The following RHBDL3 variants were observed in gnomAD, a reference collection of about 807,000 sequenced individuals.
The protein encoded by RHBDL3 is rhomboid like 3.
A neutral mutation model predicts 48.2 loss-of-function variants in RHBDL3; 28 were observed. The observed-to-expected ratio is 0.58, with a 90% CI of 0.43 to 0.80. The LOEUF (loss-of-function observed/expected upper bound fraction) is 0.80, where lower values mean the gene tolerates loss of function less well. Ranked by LOEUF, RHBDL3 falls within the 30% of genes least tolerant of loss-of-function variation. The pLI, the probability that RHBDL3 is intolerant of heterozygous loss-of-function variation, is 0.00. For synonymous variants in RHBDL3, 208 were observed against 232.3 expected (o/e 0.90, Z 0.95); for missense variants, 464 against 542.7 (o/e 0.85, Z 1.44).
chr17:32,267,701 TG>T, intron 1 of RHBDL3, 200 bp from the exon 2 acceptor site: 1 of 649,232 alleles, frequency 1.5e-6, no homozygotes, highest in South Asian at 3.1e-5. Flanking sequence ...TTCCTCCCTC[TG>T]CTCAGTGTGG....
chr17:32,281,556 A>G (rs1244387920), intron 2 of RHBDL3, among the ~76,000 whole-genome samples: 2 of 151,694 alleles, frequency 1.3e-5, no homozygotes, highest in East Asian at 3.9e-4. Context: ...CCCCCTATCT[A>G]CCCACCCAGA....
At chr17:32,296,370 G>A (rs575294939) in intron 5 of RHBDL3, among the ~76,000 whole-genome samples, 1 of 108,068 alleles carries the variant, frequency 9.3e-6, no homozygotes, top group African/African-American at 3.5e-5. Flanking sequence ...GAGTCTCGTT[G>A]TGTCACCCAG....
chr17:32,294,205 TC>T lies in RHBDL3; in HGVS notation c.520-87del, dbSNP rs140589324. On this transcript the variant is annotated intron_variant, in intron 4 of 8. Transcript: ENST00000269051. The stretch of plus-strand genomic sequence containing the variant: ...TCTCTGAGAAGGAAAGGTGATAACT[TC>T]CTGTAGGGACTCCCAGTGCTAGTCA... 1,857 of 1,094,306 alleles carry T rather than the reference TC, an allele frequency of 1.7e-3. 19 individuals carry two copies. In the East Asian group the frequency reaches 0.027, roughly 16 times the overall value. 67.8% of individuals were successfully genotyped at this position (1,094,306 alleles called of 1,614,324 possible).
At chr17:32,316,074 A>C (rs1341717810) in intron 7 of RHBDL3, among the ~76,000 whole-genome samples, 158 bp from the exon 8 acceptor site, 6 of 152,108 alleles carry the variant, frequency 3.9e-5, no homozygotes, top group Non-Finnish European at 8.8e-5. Flanking sequence ...TGTTGCCTAA[A>C]ATCTCAAAGC....
chr17:32,298,132 G>A lies in RHBDL3; in HGVS notation c.709G>A (p.Val237Met), dbSNP rs2040496794. The change falls in exon 6 of 9, where the codon GTG becomes ATG. Residue 237 changes from valine to methionine, a missense_variant. Coordinates refer to ENST00000269051, the MANE Select transcript of RHBDL3 (RefSeq NM_138328.3). Reference protein sequence around the residue: ...LGLNVVLQLLVGVPLEMVHGA... With the variant: ...LGLNVVLQLLMGVPLEMVHGA... Reference sequence around the variant, plus strand: ...ACTCAATGTGGTGCTGCAGCTGCTGGTGGGGGTGCCCCTGGAGATGGTGCA... The same window carrying A: ...ACTCAATGTGGTGCTGCAGCTGCTGATGGGGGTGCCCCTGGAGATGGTGCA... 1 of 1,613,994 alleles carries A rather than the reference G, an allele frequency of 6.2e-7. No homozygotes were observed. Among genetic ancestry groups the A allele is most frequent in the African/African-American group, 1.3e-5 (1 of 74,948 alleles).
At chr17:32,320,073 GC>G (rs1316966711) in intron 8 of RHBDL3, among the ~76,000 whole-genome samples, 6 of 151,812 alleles carry the variant, frequency 4.0e-5, no homozygotes, top group Non-Finnish European at 7.4e-5. Context: ...AGGAGTTCAG[GC>G]CTGAGCAACA....
At chr17:32,289,791 G>A (rs1684833576) in intron 4 of RHBDL3, among the ~76,000 whole-genome samples, 1 of 152,110 alleles carries the variant, frequency 6.6e-6, no homozygotes. Flanking sequence ...CTTCACTTTG[G>A]GATTTTATGA....
intron 7 of RHBDL3, among the ~76,000 whole-genome samples, chr17:32,308,538 C>T (rs1724408856): frequency 6.6e-6 from 1 of 152,066 alleles, no homozygotes; most frequent in African/African-American, 2.4e-5. Context: ...ATCACCTGAG[C>T]CAGAGAGGCA....
Position 32,288,894 on chromosome 17 carries a change from C to T in RHBDL3, c.397C>T (p.Gln133Ter), listed in dbSNP as rs200024285. Residue 133 changes from glutamine (Q) to a stop codon, truncating the protein, a stop_gained, in exon 4 of 9, where the codon CAG becomes TAG. Transcript: ENST00000269051. LOFTEE classifies it high-confidence loss of function. The stretch of plus-strand genomic sequence containing the variant: ...GGAGGAGAAGGGGCTGAGCCTCTCG[C>T]AGCGACTTATCCGCCATGTGGCCTA... Reference protein sequence around the residue: ...LLEEKGLSLSQRLIRHVAYET... With the variant: ...LLEEKGLSLS 6.2e-7 allele frequency: 1 copy of T among 1,614,244 alleles called. No individual in the cohort carries two copies. Among genetic ancestry groups the T allele is most frequent in the Non-Finnish European group, 8.5e-7 (1 of 1,180,052 alleles).
At chr17:32,279,739 T>G (rs1387782795) in intron 2 of RHBDL3, among the ~76,000 whole-genome samples, 3 of 152,128 alleles carry the variant, frequency 2.0e-5, no homozygotes, top group Non-Finnish European at 2.9e-5. Flanking sequence ...TATAGCTCCC[T>G]GAGAAGAGTT....
chr17:32,289,434 C>T (rs918594595), intron 4 of RHBDL3, among the ~76,000 whole-genome samples: 2 of 152,236 alleles, frequency 1.3e-5, no homozygotes, highest in East Asian at 1.9e-4. Context: ...TCCTTTTTCC[C>T]GCCTGAAAAT....
intron 6 of RHBDL3, among the ~76,000 whole-genome samples, chr17:32,305,101 G>C (rs1358744063): frequency 7.1e-6 from 1 of 141,128 alleles, no homozygotes; most frequent in African/African-American, 2.6e-5. Flanking sequence ...CTAAGTGACA[G>C]AGTTAGACCT....
intron 2 of RHBDL3, among the ~76,000 whole-genome samples, chr17:32,276,046 G>C (rs914503433): frequency 6.6e-6 from 1 of 152,192 alleles, no homozygotes; most frequent in Non-Finnish European, 1.5e-5. Context: ...CAGGCAGGGG[G>C]CATGTCTCTG....
Position 32,271,766 on chromosome 17 carries a change from A to G in RHBDL3, c.135+3841A>G, listed in dbSNP as rs574162839. On this transcript the variant is annotated intron_variant, in intron 2 of 8. Transcript: ENST00000269051. ...ATGCAGTATTGAAAGTAACTTGACT[A>G]TCTTCCTTTTTCCCTTCTCACTGGG... is the stretch of plus-strand genomic sequence containing the variant. Among the ~76,000 whole-genome samples, 37 of 152,358 alleles carry G rather than the reference A, an allele frequency of 2.4e-4. No homozygotes were observed. In the South Asian group the frequency reaches 2.5e-3, roughly 10 times the overall value.
intron 5 of RHBDL3, among the ~76,000 whole-genome samples, chr17:32,296,121 G>T (rs368337721): frequency 1.3e-5 from 2 of 151,418 alleles, no homozygotes; most frequent in Non-Finnish European, 2.9e-5. Flanking sequence ...CCACCTACTC[G>T]GGAGGCTGAG....
At chr17:32,299,101 T>G (rs1431830936) in intron 6 of RHBDL3, among the ~76,000 whole-genome samples, 2 of 150,632 alleles carry the variant, frequency 1.3e-5, no homozygotes, top group African/African-American at 2.4e-5. Flanking sequence ...GCTTGACAGC[T>G]GTGCCCAAGG....
intron 6 of RHBDL3, among the ~76,000 whole-genome samples, chr17:32,303,410 G>A (rs1048496078): frequency 2.0e-5 from 3 of 152,196 alleles, no homozygotes; most frequent in African/African-American, 7.2e-5. Context: ...CCAGGAGAGC[G>A]TGGGAAACCT....
At chr17:32,295,813 T>C (rs1314060028) in intron 5 of RHBDL3, among the ~76,000 whole-genome samples, 1 of 152,164 alleles carries the variant, frequency 6.6e-6, no homozygotes. Context: ...CCTGATTGAT[T>C]TAGTAATAGT....
At position 32,270,132 on chromosome 17, in the gene RHBDL3, CAA is replaced by C. The variant is rs66986205; in HGVS notation, c.135+2231_135+2232del. Reference sequence around the variant, plus strand: ...CCTCCCAAAAAGTGAGACCCTTTCTCAAAAAAAAAAAAAAAAAAAAAAAAAGA... The same window carrying C: ...CCTCCCAAAAAGTGAGACCCTTTCTCAAAAAAAAAAAAAAAAAAAAAAAGA... On this transcript the variant is annotated intron_variant, in intron 2 of 8. Transcript: ENST00000269051. 2.4e-3 allele frequency among the ~76,000 whole-genome samples: 162 copies of C among 68,118 alleles called. 1 individual carries two copies. Among genetic ancestry groups the C allele is most frequent in the East Asian group, 8.4e-3 (14 of 1,662 alleles). 44.7% of individuals were successfully genotyped at this position (68,118 alleles called of 152,430 possible). A position where few individuals can be genotyped will look rare whatever the true frequency, so the allele number is the denominator to read the frequency against.
Sources: allele counts gnomAD v4.1 joint callset (sites outside exome capture counted in the v4.1 genomes callset), GRCh38; gene constraint gnomAD v4.1.1; transcripts MANE v1.5; gene names NCBI Gene and HGNC (gene_info 2026-07-23, HGNC 2026-07-21).